Variants in XYLT1 observed in about 807,000 individuals in gnomAD.
The protein encoded by XYLT1 is beta-D-xylosyltransferase 1.
XYLT1 carries 36 observed loss-of-function variants against 91.3 expected under a neutral mutation model. The observed-to-expected ratio is 0.39, with a 90% CI of 0.30 to 0.52. The LOEUF (loss-of-function observed/expected upper bound fraction) is 0.52, where lower values mean the gene tolerates loss of function less well. Among genes scored for constraint, XYLT1 ranks in the 20% least tolerant of loss-of-function variants. The pLI is 0.68. For synonymous variants in XYLT1, 588 were observed against 532.0 expected, an observed-to-expected ratio of 1.11 and a Z score of -1.45; for missense variants, 1,242 against 1,284.5, an observed-to-expected ratio of 0.97 and a Z score of 0.51.
chr16:17,266,986 T>G (rs1220444449), intron 2 of XYLT1, among the ~76,000 whole-genome samples: 1 of 152,256 alleles, frequency 6.6e-6, no homozygotes, highest in Non-Finnish European at 1.5e-5. Flanking sequence ...AAAAGGTGGC[T>G]GGCCAGCACT....
chr16:17,386,531 A>T (rs2035749646), intron 1 of XYLT1, among the ~76,000 whole-genome samples: 1 of 152,184 alleles, frequency 6.6e-6, no homozygotes, highest in South Asian at 2.1e-4. Flanking sequence ...CAAAAGCTTT[A>T]CTACACCCAG....
At chr16:17,468,008 C>T (rs373598100) in intron 1 of XYLT1, among the ~76,000 whole-genome samples, 6 of 152,208 alleles carry the variant, frequency 3.9e-5, no homozygotes, top group African/African-American at 1.2e-4. Flanking sequence ...TGGCAGCCTC[C>T]GCAGGGTCTG....
chr16:17,307,164 C>T (rs62033206), intron 2 of XYLT1, among the ~76,000 whole-genome samples: 31,741 of 152,066 alleles, frequency 0.21, 3,984 homozygotes, highest in Middle Eastern at 0.31. Flanking sequence ...CTGTAACCTC[C>T]GCCTCCCGGG....
chr16:17,196,896 T>A (rs755180070), intron 5 of XYLT1, among the ~76,000 whole-genome samples: 1 of 151,588 alleles, frequency 6.6e-6, no homozygotes, highest in Non-Finnish European at 1.5e-5. Context: ...ACCATCTCTA[T>A]GCTACTTCAG....
chr16:17,162,449 C>T (rs938296236), intron 5 of XYLT1, among the ~76,000 whole-genome samples: 11 of 149,880 alleles, frequency 7.3e-5, no homozygotes, highest in Admixed American at 4.0e-4. Flanking sequence ...TCTCATTTTA[C>T]GGACGGGCAA....
At chr16:17,173,579 A>G (rs1310987819) in intron 5 of XYLT1, among the ~76,000 whole-genome samples, 2 of 152,282 alleles carry the variant, frequency 1.3e-5, no homozygotes, top group Admixed American at 6.5e-5. Context: ...TAGTTGCTCA[A>G]TGCACACAGG....
intron 1 of XYLT1, chr16:17,446,434 G>C (rs1006488648): frequency 3.3e-5 from 5 of 152,194 alleles, no homozygotes; most frequent in African/African-American, 1.2e-4. Context: ...CTGAGGCAGA[G>C]AGAGGGAACC....
chr16:17,148,877 ATCTT>A (rs767460596), intron 6 of XYLT1, among the ~76,000 whole-genome samples: 14 of 152,260 alleles, frequency 9.2e-5, no homozygotes, highest in Non-Finnish European at 1.3e-4. Context: ...CTTTGGAAGA[ATCTT>A]TCTGCCAGAC....
chr16:17,128,616 T>C (rs1230947295), intron 9 of XYLT1, among the ~76,000 whole-genome samples: 1 of 152,246 alleles, frequency 6.6e-6, no homozygotes, highest in Admixed American at 6.5e-5. Context: ...CTGGTTATCA[T>C]CTTTAACCAT....
chr16:17,364,589 C>T (rs1452435536), intron 1 of XYLT1, among the ~76,000 whole-genome samples: 1 of 152,194 alleles, frequency 6.6e-6, no homozygotes, highest in Non-Finnish European at 1.5e-5. Context: ...CGAGTGCAAC[C>T]TATGTCACGT....
At chr16:17,383,226 C>T (rs2035703098) in intron 1 of XYLT1, among the ~76,000 whole-genome samples, 1 of 151,884 alleles carries the variant, frequency 6.6e-6, no homozygotes, top group Non-Finnish European at 1.5e-5. Context: ...CATCTTCCTC[C>T]TCATTTTGCA....
intron 1 of XYLT1, among the ~76,000 whole-genome samples, chr16:17,411,386 A>G (rs997144538): frequency 2.4e-4 from 37 of 152,350 alleles, no homozygotes; most frequent in African/African-American, 8.4e-4. Flanking sequence ...TTAATTAATT[A>G]TATCTAAATT....
intron 2 of XYLT1, among the ~76,000 whole-genome samples, chr16:17,341,196 T>C (rs1316344880): frequency 6.6e-6 from 1 of 152,156 alleles, no homozygotes; most frequent in Admixed American, 6.5e-5. Flanking sequence ...CAAGAATGGC[T>C]AAAGGCAGCA....
In XYLT1 at chr16:17,158,785, A is replaced by AT. The variant is rs755681526; in HGVS notation, c.1370+43dup. On this transcript the variant is annotated intron_variant, in intron 6 of 11. Transcript: ENST00000261381. ...GAAAATTCCCCAAATGATCACTCAG[A>AT]TTTTCATTTCCATTTTGTACAGGGG... 3.7e-6 allele frequency: 6 copies of AT among 1,601,278 alleles called. 1 individual carries two copies. The South Asian group carries it at 6.6e-5, about 18-fold the overall frequency.
chr16:17,445,316 C>A (rs1199166426), intron 1 of XYLT1, among the ~76,000 whole-genome samples: 2 of 151,876 alleles, frequency 1.3e-5, no homozygotes, highest in Non-Finnish European at 2.9e-5. Context: ...AAGAACCTAG[C>A]CCAGTGCCTG....
intron 2 of XYLT1, 44 bp from the exon 3 acceptor site, chr16:17,259,542 G>T (rs1481547465): frequency 6.3e-7 from 1 of 1,587,866 alleles, no homozygotes. Flanking sequence ...TTGACTGAGA[G>T]ATCATGCTAA....
chr16:17,125,248 G>A (rs1016513272), intron 10 of XYLT1, among the ~76,000 whole-genome samples: 6 of 152,108 alleles, frequency 3.9e-5, no homozygotes, highest in Admixed American at 6.6e-5. Context: ...GGCTTTCCTG[G>A]CATGTTTCTG....
At chr16:17,252,291 C>T (rs577619096) in intron 3 of XYLT1, among the ~76,000 whole-genome samples, 2 of 152,266 alleles carry the variant, frequency 1.3e-5, no homozygotes, top group East Asian at 1.9e-4. Context: ...AGTCACTGAG[C>T]GGTTAGGGTT....
chr16:17,346,717 G>A (rs1427283661), intron 2 of XYLT1, among the ~76,000 whole-genome samples: 3 of 152,150 alleles, frequency 2.0e-5, no homozygotes, highest in African/African-American at 7.2e-5. Context: ...CAGTGAACGT[G>A]GAGACTGGTC....
Sources: allele counts gnomAD v4.1 joint callset (sites outside exome capture counted in the v4.1 genomes callset), GRCh38; gene constraint gnomAD v4.1.1; transcripts MANE v1.5; gene names NCBI Gene and HGNC (gene_info 2026-07-23, HGNC 2026-07-21).